RPSA2: variants seen among roughly 807,000 people sequenced by gnomAD.
The protein encoded by RPSA2 is small ribosomal subunit protein uS2B.
At chr19:23,789,755 G>T in the RPSA2 span, among the ~76,000 whole-genome samples, 1 of 151,846 alleles carries the variant, frequency 6.6e-6, no homozygotes, top group Non-Finnish European at 1.5e-5. Context: ...TGTCACCCAG[G>T]CTGGACTGCA....
At chr19:23,836,395 C>A in the RPSA2 span, among the ~76,000 whole-genome samples, 1 of 152,010 alleles carries the variant, frequency 6.6e-6, no homozygotes, top group African/African-American at 2.4e-5. Flanking sequence ...ACACACCCCA[C>A]AGTTTCTTTA....
chr19:23,758,833 G>T, the RPSA2 span: 1 of 1,574,332 alleles, frequency 6.4e-7, no homozygotes, highest in Non-Finnish European at 8.7e-7. Flanking sequence ...TGGGCCTCTA[G>T]AAGAAGAGGA....
the RPSA2 span, among the ~76,000 whole-genome samples, chr19:23,863,269 A>G: frequency 6.6e-6 from 1 of 152,218 alleles, no homozygotes; most frequent in African/African-American, 2.4e-5. Flanking sequence ...AGTATTTAAA[A>G]GTATTCTAGA....
the RPSA2 span, among the ~76,000 whole-genome samples, chr19:23,790,232 C>T: frequency 2.0e-5 from 3 of 152,002 alleles, no homozygotes; most frequent in African/African-American, 2.4e-5. Flanking sequence ...CTTCTGACCT[C>T]GTGATCCACC....
the RPSA2 span, chr19:23,828,164 A>T: frequency 1.6e-6 from 1 of 641,090 alleles, no homozygotes; most frequent in African/African-American, 1.8e-5. Context: ...TCTATAAATG[A>T]CTACTTATAT....
the RPSA2 span, chr19:23,832,945 G>T: frequency 6.8e-7 from 1 of 1,478,592 alleles, no homozygotes. Flanking sequence ...TAAACATAAG[G>T]TAATTCACAG....
At chr19:23,794,699 A>G in the RPSA2 span, among the ~76,000 whole-genome samples, 1 of 152,004 alleles carries the variant, frequency 6.6e-6, no homozygotes, top group African/African-American at 2.4e-5. Flanking sequence ...ATTAGGTCCA[A>G]TTTGTCAATT....
chr19:23,768,888 C>T, the RPSA2 span, among the ~76,000 whole-genome samples: 5 of 151,688 alleles, frequency 3.3e-5, no homozygotes, highest in Non-Finnish European at 7.4e-5. Flanking sequence ...GTGCTTGGCC[C>T]CCTTTAACTA....
the RPSA2 span, among the ~76,000 whole-genome samples, chr19:23,829,356 A>G: frequency 6.6e-6 from 1 of 152,048 alleles, no homozygotes; most frequent in Non-Finnish European, 1.5e-5. Flanking sequence ...GCTGGAGTGC[A>G]ATGGCATTGA....
the RPSA2 span, chr19:23,832,867 C>T: frequency 1.3e-6 from 2 of 1,578,366 alleles, no homozygotes; most frequent in South Asian, 2.2e-5. Context: ...TAAGAGAATT[C>T]ATACTGGAGA....
the RPSA2 span, among the ~76,000 whole-genome samples, chr19:23,851,278 G>A: frequency 1.3e-5 from 2 of 152,182 alleles, no homozygotes; most frequent in East Asian, 1.9e-4. Context: ...GGCACTGAGA[G>A]CAGCAGTGGA....
chr19:23,865,761 A>G, the RPSA2 span, among the ~76,000 whole-genome samples: 17 of 152,258 alleles, frequency 1.1e-4, no homozygotes, highest in African/African-American at 4.1e-4. Flanking sequence ...TGCTTTTCCT[A>G]TTACCATAAG....
chr19:23,803,387 G>A, the RPSA2 span, among the ~76,000 whole-genome samples: 1 of 151,638 alleles, frequency 6.6e-6, no homozygotes, highest in South Asian at 2.1e-4. Context: ...ATGATTTATA[G>A]GGTCTTAATT....
At chr19:23,774,331 A>T in the RPSA2 span, among the ~76,000 whole-genome samples, 1 of 152,332 alleles carries the variant, frequency 6.6e-6, no homozygotes, top group South Asian at 2.1e-4. Context: ...TCCACTCATC[A>T]TCAAAGTGAT....
the RPSA2 span, among the ~76,000 whole-genome samples, chr19:23,859,599 C>A: frequency 6.8e-6 from 1 of 146,426 alleles, no homozygotes; most frequent in Non-Finnish European, 1.5e-5. Context: ...TGCACTCCAG[C>A]CTGGGCAACA....
the RPSA2 span, among the ~76,000 whole-genome samples, chr19:23,789,794 C>CA: frequency 6.6e-6 from 1 of 151,736 alleles, no homozygotes; most frequent in Non-Finnish European, 1.5e-5. Flanking sequence ...ACTGCAGTCT[C>CA]AGTCTCCTGA....
chr19:23,823,544 C>T, the RPSA2 span, among the ~76,000 whole-genome samples: 1 of 152,124 alleles, frequency 6.6e-6, no homozygotes, highest in Non-Finnish European at 1.5e-5. Context: ...AGTCACACAC[C>T]GTCCTACTCC....
At chr19:23,810,074 G>T in the RPSA2 span, among the ~76,000 whole-genome samples, 1 of 152,058 alleles carries the variant, frequency 6.6e-6, no homozygotes, top group Non-Finnish European at 1.5e-5. Context: ...TTGCACAAGG[G>T]TTCACCTTTA....
chr19:23,813,711 T>C, the RPSA2 span, among the ~76,000 whole-genome samples: 143,244 of 147,286 alleles, frequency 0.97, 69,733 homozygotes, highest in Middle Eastern at 1. Context: ...TGTTTTCTAC[T>C]GACAATCAAC....
Sources: gnomAD v4.1 joint callset for allele counts (sites outside exome capture counted in the v4.1 genomes callset) on GRCh38, gnomAD v4.1.1 for gene constraint, MANE v1.5 for transcripts, NCBI Gene and HGNC (gene_info 2026-07-23, HGNC 2026-07-21) for gene names.